The following UNC5A variants were observed in gnomAD, a reference collection of about 807,000 sequenced individuals.
UNC5A encodes the protein unc-5 netrin receptor A.
UNC5A carries 20 observed loss-of-function variants against 87.4 expected under a neutral mutation model. The observed-to-expected ratio is 0.23, with a 90% CI of 0.16 to 0.33. The LOEUF is 0.33. Ranked by LOEUF, UNC5A falls within the 10% of genes least tolerant of loss-of-function variation. UNC5A has a pLI of 1.00. For missense variants in UNC5A, 844 were observed against 1,133.4 expected, an observed-to-expected ratio of 0.74 and a Z score of 3.67; for synonymous variants, 438 against 482.3, an observed-to-expected ratio of 0.91 and a Z score of 1.20.
chr5:176,868,127 C>T lies in UNC5A; in HGVS notation c.293-3C>T. 10 of 1,612,054 alleles carry T rather than the reference C, an allele frequency of 6.2e-6. No individual in the cohort carries two copies. Among genetic ancestry groups the T allele is most frequent in the Non-Finnish European group, 8.5e-6 (10 of 1,179,276 alleles). ...TCTGACTACCTGCCCCTCCCGCCCCCAGGGCTGCCCACCATGGAGGTCCGC... is the reference window on the plus strand; with the variant it reads ...TCTGACTACCTGCCCCTCCCGCCCCTAGGGCTGCCCACCATGGAGGTCCGC... On this transcript the variant is annotated splice_polypyrimidine_tract_variant and splice_region_variant and intron_variant, in intron 2 of 14. Coordinates refer to ENST00000329542, the MANE Select transcript of UNC5A (RefSeq NM_133369.3).
At chr5:176,820,045 G>A (rs1340808275) in intron 1 of UNC5A, among the ~76,000 whole-genome samples, 3 of 152,196 alleles carry the variant, frequency 2.0e-5, no homozygotes, top group Admixed American at 6.5e-5. Context: ...GGCGGATCAC[G>A]AGGTCAGGAG....
At chr5:176,818,368 CCT>C (rs1756645847) in intron 1 of UNC5A, among the ~76,000 whole-genome samples, 1 of 152,232 alleles carries the variant, frequency 6.6e-6, no homozygotes, top group African/African-American at 2.4e-5. Context: ...CACTCCAGCC[CCT>C]GACACCCAAA....
rs561312394 is a variant in UNC5A at position 176,835,324 on chromosome 5, T to A, written c.70+24504T>A. On this transcript the variant is annotated intron_variant, in intron 1 of 14. Transcript: ENST00000329542. ...CAGGGCCACCTGCCAGGCCTGCCTC[T>A]GTCTAAGTCTGAACAGAGGCCGCTT... Among the ~76,000 whole-genome samples, 53 of 152,348 alleles carry A rather than the reference T, an allele frequency of 3.5e-4. No homozygotes were observed. In the South Asian group the frequency reaches 5.2e-3, roughly 15 times the overall value.
At chr5:176,828,356 G>A (rs555693763) in intron 1 of UNC5A, among the ~76,000 whole-genome samples, 27 of 152,226 alleles carry the variant, frequency 1.8e-4, no homozygotes, top group Non-Finnish European at 3.7e-4. Flanking sequence ...AGCCCCGAGT[G>A]TGATGTCACT....
At chr5:176,832,329 G>T (rs1002117845) in intron 1 of UNC5A, among the ~76,000 whole-genome samples, 2 of 152,242 alleles carry the variant, frequency 1.3e-5, no homozygotes, top group Non-Finnish European at 2.9e-5. Context: ...CACAGGGCTG[G>T]AGTGAGGACT....
chr5:176,866,269 T>C lies in UNC5A; in HGVS notation c.293-1861T>C, dbSNP rs1254176148. ...ACATCAAAGATGGGGTAGGGCCGGG[T>C]CTGCAGCCCCCGCCTCAGGCACTGC... On this transcript the variant is annotated intron_variant, in intron 2 of 14. Coordinates refer to ENST00000329542, the MANE Select transcript of UNC5A (RefSeq NM_133369.3). This position sits in a 1 kb window ranked among gnomAD's most constrained non-coding sequence, Gnocchi z 5.0. Among the ~76,000 whole-genome samples the C allele has an allele frequency of 1.3e-5, 2 of 151,804 alleles. No homozygotes were observed. The highest frequency in any genetic ancestry group is 2.9e-5 in the Non-Finnish European group (2 of 67,936).
At chr5:176,877,836 C>G (rs1317992150) in intron 10 of UNC5A, 58 bp from the exon 11 acceptor site, 7 of 1,538,492 alleles carry the variant, frequency 4.5e-6, no homozygotes, top group Non-Finnish European at 6.1e-6. Context: ...CTTGAAGCCA[C>G]AGCTGGCCCT....
rs969987740 is a variant in UNC5A, at chr5:176,824,918, C to T, written c.70+14098C>T. Among the ~76,000 whole-genome samples the T allele has an allele frequency of 1.3e-5, 2 of 152,198 alleles. No individual in the cohort carries two copies. The highest frequency in any genetic ancestry group is 2.4e-5 in the African/African-American group (1 of 41,450). On this transcript the variant is annotated intron_variant, in intron 1 of 14. Transcript: ENST00000329542. The surrounding 1 kb of genome is among the most constrained non-coding windows in gnomAD (Gnocchi z 4.2). Reference sequence around the variant, plus strand: ...TCTCTTTGCCACTCACCCCCGCTCCCGTGCACACCAAGGCTGCGTCTCCCC... The same window carrying T: ...TCTCTTTGCCACTCACCCCCGCTCCTGTGCACACCAAGGCTGCGTCTCCCC...
rs1191434032 is a variant in UNC5A at position 176,879,917 on chromosome 5, C to T, written c.*31C>T. Reference sequence around the variant, plus strand: ...GCCAGGCCCGACACCTACACTCTCACCAGCTTTGGCACCCACCAAGGACAG... The same window carrying T: ...GCCAGGCCCGACACCTACACTCTCATCAGCTTTGGCACCCACCAAGGACAG... On this transcript the variant is annotated 3_prime_UTR_variant, in exon 15 of 15. Transcript: ENST00000329542. The T allele has an allele frequency of 1.3e-6, 2 of 1,596,422 alleles. No individual in the cohort carries two copies. The highest frequency in any genetic ancestry group is 8.5e-7 in the Non-Finnish European group (1 of 1,172,708).
intron 1 of UNC5A, among the ~76,000 whole-genome samples, chr5:176,855,683 G>A (rs1222087685): frequency 3.3e-5 from 5 of 152,244 alleles, no homozygotes; most frequent in African/African-American, 7.2e-5. Flanking sequence ...CAAGTGGCAC[G>A]TCATCCTGTG....
chr5:176,861,441 C>T (rs374136344), intron 1 of UNC5A, among the ~76,000 whole-genome samples: 2 of 152,196 alleles, frequency 1.3e-5, no homozygotes, highest in African/African-American at 4.8e-5. Flanking sequence ...CACCTCCTGC[C>T]GTGAAACCAG....
At chr5:176,876,499 G>A (rs1399376699) in intron 8 of UNC5A, among the ~76,000 whole-genome samples, 9 of 152,120 alleles carry the variant, frequency 5.9e-5, no homozygotes, top group East Asian at 1.9e-4. Context: ...CCTGGCCCCC[G>A]TCTTTGCCGG....
At chr5:176,826,132 C>G (rs920813214) in intron 1 of UNC5A, among the ~76,000 whole-genome samples, 3 of 152,210 alleles carry the variant, frequency 2.0e-5, no homozygotes, top group Non-Finnish European at 2.9e-5. Context: ...GCATAGAAGC[C>G]ACCTCTGCTT....
chr5:176,851,333 C>T (rs1757536421), intron 1 of UNC5A, among the ~76,000 whole-genome samples: 1 of 152,192 alleles, frequency 6.6e-6, no homozygotes. Flanking sequence ...TGTCTCCCAC[C>T]AGCCAAGGGC....
At chr5:176,873,878 G>T in intron 6 of UNC5A, 90 bp from the exon 7 acceptor site, 2 of 1,429,660 alleles carry the variant, frequency 1.4e-6, no homozygotes, top group South Asian at 2.5e-5. Flanking sequence ...CCGGGGTGCA[G>T]ACCTCATCCT....
rs571917343 is a variant in UNC5A, at chr5:176,810,914, C to G, written c.70+94C>G. Reference sequence around the variant, plus strand: ...GGGGTCCCTGACCAGCGCTGCCAGACCCGGCTGGGAGCCCCCCGAGGCCAA... The same window carrying G: ...GGGGTCCCTGACCAGCGCTGCCAGAGCCGGCTGGGAGCCCCCCGAGGCCAA... On this transcript the variant is annotated intron_variant, in intron 1 of 14. Transcript: ENST00000329542. The surrounding 1 kb of genome is among the most constrained non-coding windows in gnomAD (Gnocchi z 7.3). The G allele has an allele frequency of 3.5e-5, 39 of 1,112,374 alleles. No homozygotes were observed. The South Asian group carries it at 1.7e-3, about 48-fold the overall frequency. The allele number at this position is 1,112,374 out of a possible 1,614,324, so 68.9% of individuals were successfully genotyped here.
At chr5:176,872,465 C>A (rs58310479) in intron 6 of UNC5A, among the ~76,000 whole-genome samples, 1 of 26,784 alleles carries the variant, frequency 3.7e-5, no homozygotes. Context: ...CCACAGCTTC[C>A]CATCTGCCCA....
chr5:176,829,177 GAT>G (rs1756928520), intron 1 of UNC5A, among the ~76,000 whole-genome samples: 7 of 103,244 alleles, frequency 6.8e-5, no homozygotes, highest in Non-Finnish European at 1.7e-4. Context: ...TGGATGGATG[GAT>G]GGATGGATGG....
rs56714208 is a variant in UNC5A, at chr5:176,858,711, AAG to A, written c.71-3901_71-3900del. 9.8e-3 allele frequency among the ~76,000 whole-genome samples: 633 copies of A among 64,554 alleles called. 14 individuals carry two copies. Among genetic ancestry groups the A allele is most frequent in the African/African-American group, 0.031 (596 of 19,046 alleles). 42.3% of individuals were successfully genotyped at this position (64,554 alleles called of 152,430 possible). A position where few individuals can be genotyped will look rare whatever the true frequency, so the allele number is the denominator to read the frequency against. On this transcript the variant is annotated intron_variant, in intron 1 of 14. Transcript: ENST00000329542. ...AAGTACATGGAAAGCGAAAGAAAGA[AAG>A]AGAGAGAGAGAAGGAAGGAAGGAAG...
Sources: allele counts gnomAD v4.1 joint callset (sites outside exome capture counted in the v4.1 genomes callset), GRCh38; gene constraint gnomAD v4.1.1; non-coding constraint Gnocchi (gnomAD v3.1); transcripts MANE v1.5; gene names NCBI Gene and HGNC (gene_info 2026-07-23, HGNC 2026-07-21).